The following PTPRM variants were observed in gnomAD, a reference collection of about 807,000 sequenced individuals.
PTPRM encodes the protein receptor-type tyrosine-protein phosphatase mu.
A neutral mutation model predicts 186.7 loss-of-function variants in PTPRM; 47 were observed. The observed-to-expected ratio is 0.25, with a 90% CI of 0.20 to 0.32. The LOEUF (loss-of-function observed/expected upper bound fraction) is 0.32, where lower values mean the gene tolerates loss of function less well. PTPRM is among the 10% of genes least tolerant of loss of function. The pLI, the probability that PTPRM is intolerant of heterozygous loss-of-function variation, is 1.00. For missense variants in PTPRM, 1,494 were observed against 1,865.0 expected, an observed-to-expected ratio of 0.80 and a Z score of 3.66; for synonymous variants, 668 against 674.9, an observed-to-expected ratio of 0.99 and a Z score of 0.16.
chr18:7,811,012 TA>T (rs1323020121), intron 2 of PTPRM, among the ~76,000 whole-genome samples: 1 of 152,236 alleles, frequency 6.6e-6, no homozygotes, highest in Non-Finnish European at 1.5e-5. Context: ...CTTTGCCCAG[TA>T]ATTTTTTTTC....
intron 23 of PTPRM, among the ~76,000 whole-genome samples, chr18:8,364,581 G>A (rs555307772): frequency 8.3e-4 from 127 of 152,196 alleles, no homozygotes; most frequent in Non-Finnish European, 1.6e-3. Context: ...CTATGTGGTA[G>A]CTGTGCTTCA....
At chr18:8,010,093 A>T (rs2084432770) in intron 7 of PTPRM, among the ~76,000 whole-genome samples, 1 of 152,210 alleles carries the variant, frequency 6.6e-6, no homozygotes, top group African/African-American at 2.4e-5. Flanking sequence ...ATCTTAGAAT[A>T]TCTATTTTTA....
At chr18:8,093,495 TA>T (rs1434283733) in intron 11 of PTPRM, among the ~76,000 whole-genome samples, 1 of 152,204 alleles carries the variant, frequency 6.6e-6, no homozygotes, top group Non-Finnish European at 1.5e-5. Flanking sequence ...AAAATATAAT[TA>T]TTTCCTCTAT....
chr18:8,284,968 A>G (rs903124489), intron 19 of PTPRM, among the ~76,000 whole-genome samples: 2 of 152,176 alleles, frequency 1.3e-5, no homozygotes, highest in Non-Finnish European at 2.9e-5. Flanking sequence ...CCTCATACAG[A>G]GCTCCTCCTA....
At chr18:7,944,057 T>C (rs2052362642) in intron 5 of PTPRM, among the ~76,000 whole-genome samples, 1 of 152,178 alleles carries the variant, frequency 6.6e-6, no homozygotes, top group Non-Finnish European at 1.5e-5. Context: ...CCATTGTAAA[T>C]AGGGATTCTT....
chr18:7,903,554 T>C (rs1044548897), intron 3 of PTPRM, among the ~76,000 whole-genome samples: 20 of 152,248 alleles, frequency 1.3e-4, no homozygotes, highest in African/African-American at 4.8e-4. Flanking sequence ...TGTCTTCTTA[T>C]AGACTTTAGT....
intron 1 of PTPRM, among the ~76,000 whole-genome samples, chr18:7,585,106 T>C (rs1312204917): frequency 6.6e-6 from 1 of 152,182 alleles, no homozygotes; most frequent in African/African-American, 2.4e-5. Flanking sequence ...GTGGGAAAAC[T>C]GCAGGGAAAG....
intron 20 of PTPRM, among the ~76,000 whole-genome samples, chr18:8,309,309 AC>A (rs1337902330): frequency 6.6e-6 from 1 of 151,974 alleles, no homozygotes; most frequent in African/African-American, 2.4e-5. Context: ...CCACATCCTC[AC>A]CTGAACTTGG....
chr18:8,376,185 T>A lies in PTPRM; in HGVS notation c.3311T>A (p.Leu1104Gln). The A allele has an allele frequency of 6.2e-7, 1 of 1,612,418 alleles. No individual in the cohort carries two copies. Among genetic ancestry groups the A allele is most frequent in the Non-Finnish European group, 8.5e-7 (1 of 1,179,444 alleles). ...AAGAGCCCGCCCAGTGCAGGCCCAC[T>A]GGTGGTGCACTGCAGGTAAGCAGAG... Reference protein sequence around the residue: ...KSKSPPSAGPLVVHCSAGAGR... With the variant: ...KSKSPPSAGPQVVHCSAGAGR... The change falls in exon 25 of 33, where the codon CTG becomes CAG. Residue 1104 changes from leucine to glutamine, a missense_variant. Physicochemically the swap from Leu to Gln is moderately radical, Grantham distance 113. Coordinates refer to ENST00000580170, the MANE Select transcript of PTPRM (RefSeq NM_001105244.2).
chr18:7,658,469 A>C (rs2038908048), intron 1 of PTPRM, among the ~76,000 whole-genome samples: 1 of 151,632 alleles, frequency 6.6e-6, no homozygotes, highest in Admixed American at 6.6e-5. Flanking sequence ...TCAGACTTAC[A>C]TGGAATCAAC....
chr18:7,854,991 G>T (rs1375897099), intron 2 of PTPRM, among the ~76,000 whole-genome samples: 1 of 152,100 alleles, frequency 6.6e-6, no homozygotes, highest in African/African-American at 2.4e-5. Context: ...AGAATGCCAA[G>T]CAACCGCCCC....
At chr18:7,716,414 G>T (rs1207508133) in intron 1 of PTPRM, among the ~76,000 whole-genome samples, 1 of 152,132 alleles carries the variant, frequency 6.6e-6, no homozygotes, top group Non-Finnish European at 1.5e-5. Context: ...TACCATTCAG[G>T]ACAGAGGCAT....
intron 2 of PTPRM, among the ~76,000 whole-genome samples, chr18:7,816,975 A>ATTT (rs71354570): frequency 0.022 from 3,103 of 138,576 alleles, 146 homozygotes; most frequent in African/African-American, 0.079. Context: ...TAGTTAATTA[A>ATTT]TTTTTTTTTT....
chr18:7,996,172 CCTTT>C (rs2083523287), intron 7 of PTPRM, among the ~76,000 whole-genome samples: 2 of 149,750 alleles, frequency 1.3e-5, no homozygotes, highest in African/African-American at 5.0e-5. Flanking sequence ...TTTTTTCTTT[CCTTT>C]CTTTCTTAAA....
At position 8,099,159 on chromosome 18, in the gene PTPRM, TTC is replaced by T. The variant is rs371620516; in HGVS notation, c.1856+10318_1856+10319del. ...TCTCTTTCTCTCTCTCTCTCTCTCT[TTC>T]TCTCTCTCTTTCTCTCACTTATTTC... On this transcript the variant is annotated intron_variant, in intron 11 of 32. Coordinates refer to ENST00000580170, the MANE Select transcript of PTPRM (RefSeq NM_001105244.2). Among the ~76,000 whole-genome samples, 473 of 149,564 alleles carry T rather than the reference TTC, an allele frequency of 3.2e-3. 4 individuals carry two copies. Among genetic ancestry groups the T allele is most frequent in the African/African-American group, 0.011 (455 of 40,494 alleles).
At chr18:8,083,201 A>G (rs1289130903) in intron 9 of PTPRM, among the ~76,000 whole-genome samples, 1 of 152,114 alleles carries the variant, frequency 6.6e-6, no homozygotes, top group Non-Finnish European at 1.5e-5. Context: ...TGAACTCTTT[A>G]TAAGGGAAAT....
At chr18:7,805,049 T>C (rs1245322199) in intron 2 of PTPRM, among the ~76,000 whole-genome samples, 34 of 152,230 alleles carry the variant, frequency 2.2e-4, no homozygotes, top group Non-Finnish European at 4.1e-4. Flanking sequence ...CCTGATTGGC[T>C]TTATTTATGT....
At chr18:7,662,401 T>G (rs2039000692) in intron 1 of PTPRM, among the ~76,000 whole-genome samples, 2 of 152,192 alleles carry the variant, frequency 1.3e-5, no homozygotes, top group African/African-American at 4.8e-5. Context: ...TGAGATCCTG[T>G]CATTTGCAAC....
chr18:7,659,187 G>C (rs1216958885), intron 1 of PTPRM, among the ~76,000 whole-genome samples: 2 of 148,530 alleles, frequency 1.3e-5, no homozygotes, highest in Non-Finnish European at 3.0e-5. Flanking sequence ...TTTTTTCACT[G>C]ACTGTTCTCC....
Sources: allele counts gnomAD v4.1 joint callset (sites outside exome capture counted in the v4.1 genomes callset), GRCh38; gene constraint gnomAD v4.1.1; transcripts MANE v1.5; gene names NCBI Gene and HGNC (gene_info 2026-07-23, HGNC 2026-07-21).